SMARCC2: variants seen among roughly 807,000 people sequenced by gnomAD.
The protein encoded by SMARCC2 is SWI/SNF complex subunit SMARCC2.
SMARCC2 carries 15 observed loss-of-function variants against 151.3 expected under a neutral mutation model. The observed-to-expected ratio is 0.10, with a 90% confidence interval of 0.07 to 0.15. The LOEUF is 0.15. Among genes scored for constraint, SMARCC2 ranks in the 10% least tolerant of loss-of-function variants. The pLI is 1.00. For synonymous variants in SMARCC2, 590 were observed against 609.5 expected, an observed-to-expected ratio of 0.97 and a Z score of 0.47; for missense variants, 1,031 against 1,599.7, an observed-to-expected ratio of 0.64 and a Z score of 6.06.
At chr12:56,189,279 T>A in intron 1 of SMARCC2, 72 bp downstream of exon 1, 2 of 939,714 alleles carry the variant, frequency 2.1e-6, no homozygotes, top group South Asian at 3.9e-5. Flanking sequence ...GTAGGCAGGA[T>A]CCCGGGGCTG....
chr12:56,180,846 C>T (rs767883171), intron 11 of SMARCC2, 131 bp downstream of exon 11: 96 of 915,640 alleles, frequency 1.0e-4, no homozygotes, highest in Non-Finnish European at 1.5e-5. Context: ...ATTCCAATAA[C>T]CAGCTAAATT....
chr12:56,180,629 C>G (rs1876013323), intron 11 of SMARCC2, among the ~76,000 whole-genome samples: 1 of 151,586 alleles, frequency 6.6e-6, no homozygotes, highest in South Asian at 2.1e-4. Context: ...GTCTCGAATT[C>G]CTGACCTCAG....
Position 56,172,816 on chromosome 12 carries a change from C to T in SMARCC2, c.1744-112G>A. The T allele has an allele frequency of 3.2e-6, 5 of 1,570,534 alleles. No homozygotes were observed. The South Asian group carries it at 5.6e-5, about 17-fold the overall frequency. On this transcript the variant is annotated intron_variant, in intron 18 of 28. Transcript: ENST00000550164. ...TTCTTTCCCAAAGCCAGGGACACCC[C>T]TGGGTGGGACTTCCTCCCTTACTGC...
At chr12:56,185,305 A>C in intron 3 of SMARCC2, 194 bp from the exon 4 acceptor site, 1 of 548,096 alleles carries the variant, frequency 1.8e-6, no homozygotes, top group Non-Finnish European at 3.3e-6. Flanking sequence ...CAGCCTCCCC[A>C]GTAGCTGGGA....
chr12:56,185,405 A>C, intron 3 of SMARCC2: 2 of 313,648 alleles, frequency 6.4e-6, no homozygotes, highest in East Asian at 7.9e-5. Flanking sequence ...CTGGTCTTGA[A>C]CTCCTGACCT....
chr12:56,184,077 AAAG>A, intron 6 of SMARCC2, 95 bp downstream of exon 6: 2 of 1,070,890 alleles, frequency 1.9e-6, no homozygotes, highest in Non-Finnish European at 2.8e-6. Flanking sequence ...TTCAAGATTG[AAAG>A]AAGAGGAGGA....
chr12:56,185,334 T>G (rs1565923206), intron 3 of SMARCC2: 1 of 488,922 alleles, frequency 2.0e-6, no homozygotes, highest in Non-Finnish European at 3.7e-6. Flanking sequence ...ACACACCACC[T>G]CACGTGGCTA....
chr12:56,172,332 T>C, intron 20 of SMARCC2, 96 bp downstream of exon 20: 1 of 1,111,792 alleles, frequency 9.0e-7, no homozygotes, highest in East Asian at 2.4e-5. Context: ...TCCTCCTGCC[T>C]TGGCCTCCCA....
chr12:56,183,539 G>C (rs1876661752), intron 7 of SMARCC2: 1 of 243,618 alleles, frequency 4.1e-6, no homozygotes, highest in African/African-American at 2.2e-5. Context: ...TTTAAAGACT[G>C]CATAATAGTC....
intron 26 of SMARCC2, among the ~76,000 whole-genome samples, chr12:56,167,754 A>C (rs532024079): frequency 2.6e-5 from 4 of 152,056 alleles, no homozygotes; most frequent in Non-Finnish European, 4.4e-5. Flanking sequence ...GTGGGACTTC[A>C]GTCCCCAGAC....
chr12:56,187,534 A>G (rs750197135), intron 1 of SMARCC2, among the ~76,000 whole-genome samples: 1 of 152,196 alleles, frequency 6.6e-6, no homozygotes, highest in African/African-American at 2.4e-5. Flanking sequence ...TGGGGGGAAC[A>G]GGGAAGCTTA....
rs376339780 is a variant in SMARCC2 at position 56,186,110 on chromosome 12, T to C, written c.317+45A>G. ...GATCCCAGGGAATCAAAAAGGGGGA[T>C]TTCCTCTAAACTAAATATAAGAAGA... On this transcript the variant is annotated intron_variant, in intron 3 of 28. Transcript: ENST00000550164. The C allele has an allele frequency of 1.3e-5, 17 of 1,320,194 alleles. No homozygotes were observed. In the African/African-American group the frequency reaches 2.0e-4, roughly 16 times the overall value. The allele number at this position is 1,320,194 out of a possible 1,614,324, so 81.8% of individuals were successfully genotyped here.
intron 11 of SMARCC2, 41 bp downstream of exon 11, chr12:56,180,936 G>A (rs778994983): frequency 1.3e-6 from 2 of 1,580,730 alleles, no homozygotes; most frequent in South Asian, 2.3e-5. Context: ...AGTCAAGACG[G>A]GGAGTGGGGG....
chr12:56,170,266 C>A, intron 22 of SMARCC2, 58 bp from the exon 23 acceptor site: 4 of 1,363,944 alleles, frequency 2.9e-6, no homozygotes, highest in Non-Finnish European at 4.0e-6. Context: ...TCGTCTGTGT[C>A]TAACACTTTT....
rs776017155 is a variant in SMARCC2, at chr12:56,179,066, CAGAG to C, written c.1082-14_1082-11del. On this transcript the variant is annotated splice_polypyrimidine_tract_variant and intron_variant, in intron 11 of 28. Coordinates refer to ENST00000550164, the MANE Select transcript of SMARCC2 (RefSeq NM_001330288.2). The stretch of plus-strand genomic sequence containing the variant: ...TCTTTCTTTGTGTTGACTGCGAAAA[CAGAG>C]AGTCATTTTATCAGACAGATTTTGC... 9 of 1,613,632 alleles carry C rather than the reference CAGAG, an allele frequency of 5.6e-6. No homozygotes were observed. The highest frequency in any genetic ancestry group is 7.6e-6 in the Non-Finnish European group (9 of 1,179,702).
chr12:56,185,890 A>C, intron 3 of SMARCC2: 1 of 486,280 alleles, frequency 2.1e-6, no homozygotes, highest in Non-Finnish European at 3.7e-6. Flanking sequence ...CTCTGTGCTT[A>C]CTTCAAAGGG....
intron 22 of SMARCC2, 86 bp from the exon 23 acceptor site, chr12:56,170,294 G>A (rs1873685072): frequency 8.2e-7 from 1 of 1,216,408 alleles, no homozygotes; most frequent in South Asian, 1.2e-5. Flanking sequence ...TTTAGAGACA[G>A]GGTCTTGCTG....
At chr12:56,177,216 T>G (rs1292974806) in intron 15 of SMARCC2, among the ~76,000 whole-genome samples, 4 of 152,148 alleles carry the variant, frequency 2.6e-5, no homozygotes, top group Non-Finnish European at 4.4e-5. Flanking sequence ...AGTGCTGGGA[T>G]TACAGGCGTG....
chr12:56,170,570 C>T (rs1354271910), intron 22 of SMARCC2, among the ~76,000 whole-genome samples: 1 of 151,878 alleles, frequency 6.6e-6, no homozygotes, highest in Non-Finnish European at 1.5e-5. Context: ...GGGCTACAGG[C>T]GCATGCCACC....
Sources: gnomAD v4.1 joint callset for allele counts (sites outside exome capture counted in the v4.1 genomes callset) on GRCh38, gnomAD v4.1.1 for gene constraint, MANE v1.5 for transcripts, NCBI Gene and HGNC (gene_info 2026-07-23, HGNC 2026-07-21) for gene names.